The following CRY1 variants were observed in gnomAD, a reference collection of about 807,000 sequenced individuals.
The protein encoded by CRY1 is cryptochrome-1.
Under a neutral mutation model 76.0 loss-of-function variants are expected in CRY1, and 45 were observed. The observed-to-expected ratio is 0.59, with a 90% confidence interval of 0.47 to 0.76. The LOEUF (loss-of-function observed/expected upper bound fraction) is 0.76. Ranked by LOEUF, CRY1 falls within the 30% of genes least tolerant of loss-of-function variation. The pLI, the probability that CRY1 is intolerant of heterozygous loss-of-function variation, is 0.00. For synonymous variants in CRY1, 248 were observed against 244.0 expected (o/e 1.02, Z -0.15); for missense variants, 587 against 716.4 (o/e 0.82, Z 2.06).
Position 106,997,496 on chromosome 12 carries a change from C to CTA in CRY1, c.1482_1483dup (p.Arg495IlefsTer4), listed in dbSNP as rs780320848. 6.2e-7 allele frequency: 1 copy of CTA among 1,613,874 alleles called. No homozygotes were observed. The highest frequency in any genetic ancestry group is 1.1e-5 in the South Asian group (1 of 91,080). ...GACAGTTCTTAACATACCTAGTCCT[C>CTA]TATATCGTGAAAGCTGCTGATAGAT... On this transcript the variant is annotated frameshift_variant, in exon 9 of 13. Coordinates refer to ENST00000008527, the MANE Select transcript of CRY1 (RefSeq NM_004075.5). LOFTEE classifies it high-confidence loss of function.
At chr12:107,038,764 T>C (rs1198446320) in intron 1 of CRY1, among the ~76,000 whole-genome samples, 3 of 152,196 alleles carry the variant, frequency 2.0e-5, no homozygotes, top group Non-Finnish European at 1.5e-5. Context: ...ACAAACTAGT[T>C]GAGAAGCTCC....
At chr12:107,032,916 A>C (rs1437872589) in intron 1 of CRY1, among the ~76,000 whole-genome samples, 2 of 152,236 alleles carry the variant, frequency 1.3e-5, no homozygotes, top group Non-Finnish European at 2.9e-5. Flanking sequence ...AATGATAAAG[A>C]ACAGAAATTA....
In CRY1 at chr12:106,997,606, G is replaced by T; in HGVS notation, c.1374C>A (p.Ala458=). The change falls in exon 9 of 13, where the codon GCC becomes GCA. Residue 458 remains alanine (A), a synonymous_variant. Coordinates refer to ENST00000008527, the MANE Select transcript of CRY1 (RefSeq NM_004075.5). ...GATAATTAACTCCTATCAAACATTT[G>T]GCTACCTTTTGGATACCTTCTGGTG... ...WNAPEGIQKV[A]KCLIGVNYPK... The T allele has an allele frequency of 6.2e-7, 1 of 1,614,046 alleles. No individual in the cohort carries two copies. The highest frequency in any genetic ancestry group is 8.5e-7 in the Non-Finnish European group (1 of 1,179,974).
intron 1 of CRY1, among the ~76,000 whole-genome samples, chr12:107,089,837 C>A (rs1953449175): frequency 6.6e-6 from 1 of 152,114 alleles, no homozygotes; most frequent in Non-Finnish European, 1.5e-5. Flanking sequence ...AAATTATTGA[C>A]TCCAAGATAT....
chr12:107,087,617 A>T (rs1402819575), intron 1 of CRY1, among the ~76,000 whole-genome samples: 1 of 152,212 alleles, frequency 6.6e-6, no homozygotes, highest in African/African-American at 2.4e-5. Flanking sequence ...TTAAAAGTAG[A>T]TAACTTGTTT....
chr12:107,061,108 C>G (rs1399085518), intron 1 of CRY1, among the ~76,000 whole-genome samples: 1 of 152,036 alleles, frequency 6.6e-6, no homozygotes, highest in Non-Finnish European at 1.5e-5. Context: ...GGATCTATGG[C>G]TATAACAACT....
intron 1 of CRY1, among the ~76,000 whole-genome samples, chr12:107,080,656 A>G (rs1462201849): frequency 6.6e-6 from 1 of 152,076 alleles, no homozygotes; most frequent in East Asian, 1.9e-4. Flanking sequence ...TGTTAAAAAA[A>G]AATAAAAAAG....
chr12:107,047,488 G>T (rs1952863728), intron 1 of CRY1, among the ~76,000 whole-genome samples: 1 of 152,180 alleles, frequency 6.6e-6, no homozygotes, highest in Admixed American at 6.5e-5. Context: ...AGTGTCATGG[G>T]AGGAACTAGG....
intron 1 of CRY1, among the ~76,000 whole-genome samples, chr12:107,091,997 T>C (rs937246955): frequency 6.6e-6 from 1 of 152,194 alleles, no homozygotes; most frequent in African/African-American, 2.4e-5. Flanking sequence ...AAATACTACA[T>C]ATTTTACTTT....
chr12:107,053,273 T>C (rs966093335), intron 1 of CRY1, among the ~76,000 whole-genome samples: 1 of 151,964 alleles, frequency 6.6e-6, no homozygotes, highest in Non-Finnish European at 1.5e-5. Context: ...ATGGAAAATA[T>C]GAAGAAAATA....
chr12:107,049,294 G>GA (rs1460664959), intron 1 of CRY1, among the ~76,000 whole-genome samples: 1 of 151,994 alleles, frequency 6.6e-6, no homozygotes, highest in African/African-American at 2.4e-5. Flanking sequence ...TTGCATTAAG[G>GA]AAAAAACAGC....
In CRY1 at chr12:107,069,016, G is replaced by T. The variant is rs558419899; in HGVS notation, c.158+23788C>A. Among the ~76,000 whole-genome samples, 6 of 152,234 alleles carry T rather than the reference G, an allele frequency of 3.9e-5. No individual in the cohort carries two copies. The East Asian group carries it at 1.2e-3, about 29-fold the overall frequency. ...CATTTTGGTGATTGTGAATAGTGCT[G>T]CTATGGACATTCATGTATAAGTTTT... is the stretch of plus-strand genomic sequence containing the variant. On this transcript the variant is annotated intron_variant, in intron 1 of 12. Coordinates refer to ENST00000008527, the MANE Select transcript of CRY1 (RefSeq NM_004075.5).
intron 10 of CRY1, among the ~76,000 whole-genome samples, chr12:106,993,732 T>C (rs996463467): frequency 6.6e-6 from 1 of 152,090 alleles, no homozygotes; most frequent in African/African-American, 2.4e-5. Context: ...TCCCAGGCAA[T>C]CAGTGGCAGT....
chr12:107,010,787 TGCC>T (rs1282521264), intron 2 of CRY1, among the ~76,000 whole-genome samples: 8 of 131,838 alleles, frequency 6.1e-5, no homozygotes, highest in Non-Finnish European at 1.0e-4. Context: ...TGTTTTGGGG[TGCC>T]ATGAATTGCA....
intron 1 of CRY1, among the ~76,000 whole-genome samples, chr12:107,088,341 G>A (rs1438326258): frequency 3.9e-5 from 6 of 152,150 alleles, no homozygotes; most frequent in Admixed American, 3.9e-4. Flanking sequence ...CTTCCATCAT[G>A]ATTAAAAGCT....
At chr12:107,066,914 C>T (rs187596417) in intron 1 of CRY1, among the ~76,000 whole-genome samples, 233 of 152,208 alleles carry the variant, frequency 1.5e-3, no homozygotes, top group African/African-American at 5.1e-3. Context: ...ATCCTCCCAC[C>T]TCAGCTTCCT....
At position 106,993,709 on chromosome 12, in the gene CRY1, T is replaced by C. The variant is rs138682235; in HGVS notation, c.1586-673A>G. Among the ~76,000 whole-genome samples, 1,042 of 152,234 alleles carry C rather than the reference T, an allele frequency of 6.8e-3. 17 individuals are homozygous for C. The highest frequency in any genetic ancestry group is 0.024 in the African/African-American group (1,000 of 41,546). Reference sequence around the variant, plus strand: ...CAAGACTGTGCACTTACTTTCGTTTTAATTAACTTCAATCCCAGGCAATCA... The same window carrying C: ...CAAGACTGTGCACTTACTTTCGTTTCAATTAACTTCAATCCCAGGCAATCA... On this transcript the variant is annotated intron_variant, in intron 10 of 12. Transcript: ENST00000008527.
chr12:106,995,443 T>C (rs1431960893), intron 10 of CRY1, among the ~76,000 whole-genome samples: 1 of 152,184 alleles, frequency 6.6e-6, no homozygotes, highest in Non-Finnish European at 1.5e-5. Context: ...TGCTACCCTG[T>C]TTTTATCCTG....
At chr12:107,070,761 C>T (rs551293894) in intron 1 of CRY1, among the ~76,000 whole-genome samples, 10 of 151,110 alleles carry the variant, frequency 6.6e-5, no homozygotes, top group African/African-American at 1.9e-4. Context: ...AGTGTAGTGG[C>T]GCGACCTTGG....
Sources: gnomAD v4.1 joint callset for allele counts (sites outside exome capture counted in the v4.1 genomes callset) on GRCh38, gnomAD v4.1.1 for gene constraint, MANE v1.5 for transcripts, NCBI Gene and HGNC (gene_info 2026-07-23, HGNC 2026-07-21) for gene names.